The following DLG2 variants were observed in gnomAD, a reference collection of about 807,000 sequenced individuals.
DLG2 encodes disks large homolog 2.
A neutral mutation model predicts 132.5 loss-of-function variants in DLG2; 45 were observed. The ratio of observed to expected loss-of-function variants is 0.34; its 90% CI spans 0.27 to 0.44. The LOEUF is 0.44. DLG2 is among the 20% of genes least tolerant of loss of function. The pLI, the probability that DLG2 is intolerant of heterozygous loss-of-function variation, is 1.00. For missense variants in DLG2, 1,045 were observed against 1,196.9 expected (o/e 0.87, Z 1.87); for synonymous variants, 424 against 419.6 (o/e 1.01, Z -0.13).
intron 6 of DLG2, among the ~76,000 whole-genome samples, chr11:84,982,768 T>C (rs914013541): frequency 2.0e-5 from 3 of 152,028 alleles, no homozygotes; most frequent in Non-Finnish European, 4.4e-5. Context: ...AGTGCCAGAC[T>C]GATTCAATAT....
intron 6 of DLG2, chr11:84,640,063 C>T: frequency 3.3e-6 from 1 of 306,676 alleles, no homozygotes; most frequent in Non-Finnish European, 6.1e-6. Context: ...AAGGGACACA[C>T]AGTTATTGTG....
intron 12 of DLG2, among the ~76,000 whole-genome samples, chr11:83,980,097 C>T (rs2092650188): frequency 6.6e-6 from 1 of 152,112 alleles, no homozygotes; most frequent in African/African-American, 2.4e-5. Flanking sequence ...GAAGCCCTAA[C>T]CTCCCTGTGA....
chr11:84,107,051 T>C (rs1224461260), intron 9 of DLG2, among the ~76,000 whole-genome samples: 1 of 150,430 alleles, frequency 6.6e-6, no homozygotes, highest in African/African-American at 2.5e-5. Context: ...TGTGGCAGTA[T>C]CGAAAGAGAA....
intron 6 of DLG2, among the ~76,000 whole-genome samples, chr11:84,956,660 C>T (rs1340768202): frequency 1.3e-5 from 2 of 152,150 alleles, no homozygotes; most frequent in Non-Finnish European, 2.9e-5. Flanking sequence ...GAAGGCACTA[C>T]ATACATTTGA....
At chr11:85,063,379 G>A (rs2064395410) in intron 6 of DLG2, among the ~76,000 whole-genome samples, 1 of 151,744 alleles carries the variant, frequency 6.6e-6, no homozygotes, top group Non-Finnish European at 1.5e-5. Context: ...TATGGTTCTT[G>A]CTATTATTAC....
chr11:83,907,531 T>C (rs564051869), intron 15 of DLG2, among the ~76,000 whole-genome samples: 2 of 152,254 alleles, frequency 1.3e-5, no homozygotes, highest in South Asian at 4.1e-4. Flanking sequence ...TTTTTAATTC[T>C]GAAAAAGAGG....
In DLG2 at chr11:83,480,245, G is replaced by A. The variant is rs1474225018; in HGVS notation, c.2293+3884C>T. On this transcript the variant is annotated intron_variant, in intron 22 of 27. Coordinates refer to ENST00000376104, the MANE Select transcript of DLG2 (RefSeq NM_001142699.3). ...TCCACATCCAGTGATTTCATTTCAA[G>A]CCATTTGCTTTGAATACAGATGATA... 5.4e-6 allele frequency: 4 copies of A among 746,486 alleles called. No individual in the cohort carries two copies. The Admixed American group carries it at 9.4e-5, about 18-fold the overall frequency. The allele number at this position is 746,486 out of a possible 1,614,324, so 46.2% of individuals were successfully genotyped here. A position where few individuals can be genotyped will look rare whatever the true frequency, so the allele number is the denominator to read the frequency against.
intron 6 of DLG2, among the ~76,000 whole-genome samples, chr11:85,074,798 C>T (rs1253536622): frequency 2.0e-5 from 3 of 151,838 alleles, no homozygotes; most frequent in South Asian, 2.1e-4. Context: ...CCTACTCTAT[C>T]CCCAGCCCTA....
rs2091112089 is a variant in DLG2 at position 83,466,747 on chromosome 11, A to G, written c.2690T>C (p.Ile897Thr). The G allele has an allele frequency of 6.2e-7, 1 of 1,613,600 alleles. No individual in the cohort carries two copies. The highest frequency in any genetic ancestry group is 8.5e-7 in the Non-Finnish European group (1 of 1,179,686). ...AGACCTGGGTTTTATGAAGATGGCA[A>G]TGGGATAGAGCTGGGCAACTTGTAA... ...KRLQVAQLYP[I>T]AIFIKPRSLE... is the part of the protein sequence containing the mutation. The change falls in exon 26 of 28, where the codon ATT (isoleucine) becomes ACT (threonine). Residue 897 changes from isoleucine (I) to threonine (T), a missense_variant. Physicochemically the swap from Ile to Thr is moderately conservative, Grantham distance 89 (BLOSUM62 -1). Around this residue, in one of 4 missense-constraint regions of DLG2, gnomAD observed 398 missense variants for 543.6 expected, o/e 0.73. Transcript: ENST00000376104.
At chr11:85,535,645 G>A (rs529341159) in intron 3 of DLG2, among the ~76,000 whole-genome samples, 5 of 152,186 alleles carry the variant, frequency 3.3e-5, no homozygotes, top group African/African-American at 1.2e-4. Flanking sequence ...ATGCCCAAGA[G>A]AAATGGAAAC....
intron 8 of DLG2, among the ~76,000 whole-genome samples, chr11:84,243,017 C>CTCTCTCTCTCTCTCTATATATA (rs542476924): frequency 2.1e-5 from 3 of 142,146 alleles, no homozygotes; most frequent in African/African-American, 7.9e-5. Context: ...CTCTCTCTCT[C>CTCTCTCTCTCTCTCTATATATA]TATATATATA....
At chr11:83,850,160 G>GTGTGTGTGTGTGTT (rs1452960432) in intron 16 of DLG2, among the ~76,000 whole-genome samples, 17 of 124,302 alleles carry the variant, frequency 1.4e-4, no homozygotes, top group South Asian at 5.1e-4. Flanking sequence ...GTGTGTGTGT[G>GTGTGTGTGTGTGTT]TTTTTTTACT....
At chr11:84,108,035 G>C (rs975221794) in intron 9 of DLG2, among the ~76,000 whole-genome samples, 5 of 152,134 alleles carry the variant, frequency 3.3e-5, no homozygotes, top group African/African-American at 1.2e-4. Context: ...TGGGGAAAAA[G>C]ATATGGTTTA....
chr11:85,297,971 G>A (rs192323170), intron 3 of DLG2, among the ~76,000 whole-genome samples: 5 of 152,232 alleles, frequency 3.3e-5, no homozygotes, highest in East Asian at 1.9e-4. Flanking sequence ...TGAGGAGGGC[G>A]CCCATGTGAT....
At chr11:85,601,326 T>C (rs2080140542) in intron 2 of DLG2, among the ~76,000 whole-genome samples, 1 of 151,996 alleles carries the variant, frequency 6.6e-6, no homozygotes, top group African/African-American at 2.4e-5. Context: ...ATGCATAATT[T>C]TTAAGTGGTT....
chr11:83,555,519 A>G (rs901207359), intron 19 of DLG2, among the ~76,000 whole-genome samples: 2 of 152,110 alleles, frequency 1.3e-5, no homozygotes, highest in African/African-American at 4.8e-5. Context: ...GGTCTCAGAT[A>G]TTTACTTTGG....
At chr11:85,583,130 G>GTATATATA (rs3068386) in intron 3 of DLG2, among the ~76,000 whole-genome samples, 158 of 13,570 alleles carry the variant, frequency 0.012, 4 homozygotes, top group Non-Finnish European at 0.015. Flanking sequence ...GTGTGTGTGT[G>GTATATATA]TATATATATA....
intron 7 of DLG2, among the ~76,000 whole-genome samples, chr11:84,413,477 T>C (rs2098917145): frequency 6.6e-6 from 1 of 152,202 alleles, no homozygotes; most frequent in Non-Finnish European, 1.5e-5. Flanking sequence ...ACAACACTTT[T>C]GTGGTAGCAC....
At chr11:84,158,222 T>C (rs34157997) in intron 9 of DLG2, among the ~76,000 whole-genome samples, 11,260 of 151,922 alleles carry the variant, frequency 0.074, 598 homozygotes, top group African/African-American at 0.15. Context: ...TGCCACGACG[T>C]CCAGCTAAAT....
Sources: allele counts gnomAD v4.1 joint callset (sites outside exome capture counted in the v4.1 genomes callset), GRCh38; gene constraint gnomAD v4.1.1; regional missense constraint gnomAD v4.1.1; transcripts MANE v1.5; gene names NCBI Gene and HGNC (gene_info 2026-07-23, HGNC 2026-07-21).